The following HIBADH variants were observed in gnomAD, a reference collection of about 807,000 sequenced individuals.
HIBADH encodes 3-hydroxyisobutyrate dehydrogenase.
HIBADH carries 25 observed loss-of-function variants against 36.1 expected under a neutral mutation model. The observed-to-expected ratio is 0.69, with a 90% CI of 0.50 to 0.97. HIBADH has a LOEUF of 0.97. Ranked by LOEUF, HIBADH falls within the 50% of genes least tolerant of loss-of-function variation. The pLI is 0.00. For synonymous variants in HIBADH, 160 were observed against 149.5 expected (o/e 1.07, Z -0.51); for missense variants, 421 against 418.0 (o/e 1.01, Z -0.06).
At chr7:27,636,084 G>A (rs1785836545) in intron 2 of HIBADH, among the ~76,000 whole-genome samples, 1 of 152,194 alleles carries the variant, frequency 6.6e-6, no homozygotes, top group Non-Finnish European at 1.5e-5. Flanking sequence ...CTGCTTTGCA[G>A]CATGAGGAGG....
At chr7:27,638,308 C>CAAAAAACAAAA (rs1785885443) in intron 2 of HIBADH, among the ~76,000 whole-genome samples, 1 of 55,472 alleles carries the variant, frequency 1.8e-5, no homozygotes, top group Non-Finnish European at 3.2e-5. Context: ...TTGGCAAAGT[C>CAAAAAACAAAA]AAAAAAAAAA....
intron 4 of HIBADH, among the ~76,000 whole-genome samples, chr7:27,566,797 A>G (rs1784554330): frequency 6.6e-6 from 1 of 152,160 alleles, no homozygotes; most frequent in Non-Finnish European, 1.5e-5. Context: ...TTTGACCCAT[A>G]GATTACTTAG....
chr7:27,567,183 T>A (rs1055612354), intron 4 of HIBADH, among the ~76,000 whole-genome samples: 1 of 152,144 alleles, frequency 6.6e-6, no homozygotes, highest in Non-Finnish European at 1.5e-5. Flanking sequence ...ATTCTGCTAG[T>A]TTTTATTTCA....
chr7:27,572,185 G>C (rs891020644), intron 4 of HIBADH, among the ~76,000 whole-genome samples: 3 of 152,196 alleles, frequency 2.0e-5, no homozygotes, highest in Admixed American at 1.3e-4. Context: ...AGGTCAGCCA[G>C]AGCTTCTGGC....
At chr7:27,620,227 G>A (rs1785513626) in intron 4 of HIBADH, among the ~76,000 whole-genome samples, 1 of 152,038 alleles carries the variant, frequency 6.6e-6, no homozygotes, top group African/African-American at 2.4e-5. Context: ...TTGGGGTTGG[G>A]GGGAATCGCT....
At chr7:27,643,837 A>C (rs770953452) in intron 2 of HIBADH, among the ~76,000 whole-genome samples, 11 of 152,162 alleles carry the variant, frequency 7.2e-5, no homozygotes. Context: ...GGCTGGCAGC[A>C]GCATAACTCT....
chr7:27,661,687 GTT>G (rs373175170), intron 1 of HIBADH, among the ~76,000 whole-genome samples: 3 of 150,974 alleles, frequency 2.0e-5, no homozygotes, highest in Non-Finnish European at 4.4e-5. Context: ...TAATGCCAAG[GTT>G]TTTTTTGTTA....
At chr7:27,538,887 G>C (rs1314547063) in intron 5 of HIBADH, among the ~76,000 whole-genome samples, 2 of 152,096 alleles carry the variant, frequency 1.3e-5, no homozygotes, top group Admixed American at 1.3e-4. Flanking sequence ...AGGAGGCCAA[G>C]GCAGGATTTA....
In HIBADH at chr7:27,543,117, T is replaced by G. The variant is rs759243257; in HGVS notation, c.485-17A>C. 1.2e-6 allele frequency: 2 copies of G among 1,612,322 alleles called. No homozygotes were observed. Among genetic ancestry groups the G allele is most frequent in the Non-Finnish European group, 1.7e-6 (2 of 1,179,174 alleles). ...CTCCTACACCTGAATCATTTGGGGG[T>G]AAAGGGATAGAAGCAAAAGAATATA... On this transcript the variant is annotated splice_polypyrimidine_tract_variant and intron_variant, in intron 4 of 7. Transcript: ENST00000265395.
At chr7:27,653,273 A>G (rs1351516586) in intron 1 of HIBADH, among the ~76,000 whole-genome samples, 3 of 152,228 alleles carry the variant, frequency 2.0e-5, no homozygotes, top group Admixed American at 6.5e-5. Context: ...GTAAAAGGAT[A>G]AAACAATGGA....
At chr7:27,655,926 A>C (rs1042064413) in intron 1 of HIBADH, among the ~76,000 whole-genome samples, 2 of 152,174 alleles carry the variant, frequency 1.3e-5, no homozygotes, top group Admixed American at 1.3e-4. Context: ...ATTGTATATT[A>C]GGTCGACCTT....
intron 4 of HIBADH, among the ~76,000 whole-genome samples, chr7:27,567,954 C>G (rs1387090698): frequency 6.6e-6 from 1 of 152,152 alleles, no homozygotes; most frequent in East Asian, 1.9e-4. Flanking sequence ...TAAACCCATC[C>G]TAAGTTGAAA....
intron 4 of HIBADH, among the ~76,000 whole-genome samples, chr7:27,554,506 C>A (rs1299764859): frequency 2.6e-5 from 4 of 152,156 alleles, no homozygotes; most frequent in African/African-American, 9.7e-5. Context: ...AATCCAATTA[C>A]CACCAATACC....
At chr7:27,639,618 T>C (rs769258612) in intron 2 of HIBADH, among the ~76,000 whole-genome samples, 10 of 152,170 alleles carry the variant, frequency 6.6e-5, no homozygotes, top group Admixed American at 6.5e-5. Flanking sequence ...GCAAGCTTCC[T>C]GTGGGCCTTG....
At chr7:27,637,231 A>T (rs920311046) in intron 2 of HIBADH, among the ~76,000 whole-genome samples, 1 of 152,194 alleles carries the variant, frequency 6.6e-6, no homozygotes, top group Non-Finnish European at 1.5e-5. Flanking sequence ...TAAGCAGAGA[A>T]AGGTTAAGTA....
chr7:27,549,324 G>T (rs1236185002), intron 4 of HIBADH, among the ~76,000 whole-genome samples: 3 of 152,072 alleles, frequency 2.0e-5, no homozygotes, highest in Non-Finnish European at 2.9e-5. Context: ...AATTAGTTCG[G>T]TTTAGCCATT....
chr7:27,598,799 T>A (rs969776682), intron 4 of HIBADH, among the ~76,000 whole-genome samples: 2 of 152,018 alleles, frequency 1.3e-5, no homozygotes, highest in Non-Finnish European at 2.9e-5. Context: ...AATACTATCT[T>A]TTCCCCTCTT....
At chr7:27,527,345 G>A (rs1298854677) in intron 7 of HIBADH, among the ~76,000 whole-genome samples, 2 of 152,188 alleles carry the variant, frequency 1.3e-5, no homozygotes, top group African/African-American at 2.4e-5. Context: ...ATAAACTGGA[G>A]AAGATCAGGC....
chr7:27,591,927 A>G (rs1415646835), intron 4 of HIBADH, among the ~76,000 whole-genome samples: 1 of 152,204 alleles, frequency 6.6e-6, no homozygotes, highest in Non-Finnish European at 1.5e-5. Context: ...TGTCTTGTCA[A>G]TCGAGCTAAT....
Sources: gnomAD v4.1 joint callset for allele counts (sites outside exome capture counted in the v4.1 genomes callset) on GRCh38, gnomAD v4.1.1 for gene constraint, MANE v1.5 for transcripts, NCBI Gene and HGNC (gene_info 2026-07-23, HGNC 2026-07-21) for gene names.